ZBTB20: variants seen among roughly 807,000 people sequenced by gnomAD.
ZBTB20 encodes the protein zinc finger and BTB domain-containing protein 20.
ZBTB20 carries 9 observed loss-of-function variants against 56.9 expected under a neutral mutation model. The observed-to-expected ratio is 0.16, with a 90% CI of 0.10 to 0.28. The LOEUF is 0.28. Ranked by LOEUF, ZBTB20 falls within the 10% of genes least tolerant of loss-of-function variation. The probability of loss-of-function intolerance (pLI) is 1.00; values close to 1 mark genes in which losing one functional copy is unlikely to be tolerated. For missense variants in ZBTB20, 655 were observed against 1,003.0 expected, an observed-to-expected ratio of 0.65 and a Z score of 4.69; for synonymous variants, 417 against 420.7, an observed-to-expected ratio of 0.99 and a Z score of 0.11.
intron 6 of ZBTB20, among the ~76,000 whole-genome samples, chr3:114,636,856 A>G (rs1355124966): frequency 6.6e-6 from 1 of 152,036 alleles, no homozygotes; most frequent in Non-Finnish European, 1.5e-5. Context: ...CAATCAAAAG[A>G]TACAAACTGG....
intron 4 of ZBTB20, among the ~76,000 whole-genome samples, chr3:114,856,159 C>T (rs747784658): frequency 6.6e-6 from 1 of 151,960 alleles, no homozygotes; most frequent in African/African-American, 2.4e-5. Context: ...GTCTAAGAGC[C>T]CTTCTAGAGA....
At chr3:114,761,871 G>A (rs2068469940) in intron 5 of ZBTB20, among the ~76,000 whole-genome samples, 2 of 151,644 alleles carry the variant, frequency 1.3e-5, no homozygotes. Flanking sequence ...AAAATGATAT[G>A]CTTAATGTGC....
At chr3:114,412,801 A>G (rs894876765) in intron 7 of ZBTB20, among the ~76,000 whole-genome samples, 3 of 152,260 alleles carry the variant, frequency 2.0e-5, no homozygotes, top group Admixed American at 1.3e-4. Flanking sequence ...AGGATATCCA[A>G]AATGAGCAAA....
At chr3:115,074,399 A>G (rs1014780101) in intron 1 of ZBTB20, among the ~76,000 whole-genome samples, 1 of 152,172 alleles carries the variant, frequency 6.6e-6, no homozygotes, top group African/African-American at 2.4e-5. Context: ...CAAAGAAGCC[A>G]GTTTAGTAAG....
intron 3 of ZBTB20, among the ~76,000 whole-genome samples, chr3:114,926,976 C>T (rs956732172): frequency 3.9e-5 from 6 of 152,076 alleles, no homozygotes; most frequent in African/African-American, 1.4e-4. Context: ...CTTCTGGGGG[C>T]TCAATCAATC....
intron 10 of ZBTB20, among the ~76,000 whole-genome samples, chr3:114,355,379 C>A (rs903999655): frequency 6.6e-6 from 1 of 152,112 alleles, no homozygotes; most frequent in South Asian, 2.1e-4. Flanking sequence ...GAATTTTATA[C>A]ACACAATTCT....
chr3:114,857,849 A>G (rs985869620), intron 4 of ZBTB20, among the ~76,000 whole-genome samples: 2 of 152,224 alleles, frequency 1.3e-5, no homozygotes, highest in African/African-American at 4.8e-5. Flanking sequence ...AAAATTAACT[A>G]AAGATAACTT....
chr3:115,072,364 C>G (rs1272222300), intron 1 of ZBTB20, among the ~76,000 whole-genome samples: 1 of 152,138 alleles, frequency 6.6e-6, no homozygotes, highest in African/African-American at 2.4e-5. Flanking sequence ...GTTAAGATCA[C>G]AGACTTTGAG....
intron 2 of ZBTB20, among the ~76,000 whole-genome samples, chr3:114,982,520 T>A: frequency 6.6e-6 from 1 of 152,032 alleles, no homozygotes; most frequent in East Asian, 1.9e-4. Flanking sequence ...ACTTAAAAAA[T>A]AAATAAAATA....
intron 3 of ZBTB20, among the ~76,000 whole-genome samples, chr3:114,956,720 C>T (rs746036005): frequency 3.3e-5 from 5 of 152,182 alleles, no homozygotes; most frequent in Admixed American, 2.0e-4. Context: ...TTGGGCACTA[C>T]ACCAAAACAT....
chr3:115,039,390 C>G (rs572472420), intron 2 of ZBTB20, among the ~76,000 whole-genome samples: 1 of 151,946 alleles, frequency 6.6e-6, no homozygotes, highest in African/African-American at 2.4e-5. Flanking sequence ...TGTATGTTCC[C>G]AAGGCATATA....
chr3:114,424,020 A>C (rs1476475174), intron 7 of ZBTB20, among the ~76,000 whole-genome samples: 1 of 152,228 alleles, frequency 6.6e-6, no homozygotes, highest in Non-Finnish European at 1.5e-5. Flanking sequence ...TCAAGGAAGT[A>C]AATCTAACAC....
intron 7 of ZBTB20, among the ~76,000 whole-genome samples, chr3:114,462,791 A>G (rs1447935191): frequency 1.3e-5 from 2 of 152,324 alleles, no homozygotes; most frequent in African/African-American, 4.8e-5. Flanking sequence ...ATCTCTGAGT[A>G]ATGAAAATTT....
intron 5 of ZBTB20, among the ~76,000 whole-genome samples, chr3:114,709,093 A>C (rs1351555335): frequency 6.6e-6 from 1 of 152,150 alleles, no homozygotes; most frequent in Non-Finnish European, 1.5e-5. Context: ...CCTACCAATT[A>C]AACAAATAAA....
chr3:114,780,590 C>T (rs1208378870), intron 5 of ZBTB20, among the ~76,000 whole-genome samples: 7 of 152,258 alleles, frequency 4.6e-5, no homozygotes, highest in Middle Eastern at 3.4e-3. Context: ...CGGGTTCAAG[C>T]GATTCTCCTG....
At position 114,327,646 on chromosome 3, in the gene ZBTB20, T is replaced by C. The variant is rs947186608; in HGVS notation, c.*11359A>G. 6.6e-6 allele frequency: 1 copy of C among 152,186 alleles called. No homozygotes were observed. The highest frequency in any genetic ancestry group is 1.5e-5 in the Non-Finnish European group (1 of 68,028). The allele number at this position is 152,186 out of a possible 1,614,324, so 9.4% of individuals were successfully genotyped here. A position where few individuals can be genotyped will look rare whatever the true frequency, so the allele number is the denominator to read the frequency against. On this transcript the variant is annotated 3_prime_UTR_variant, in exon 12 of 12. Coordinates refer to ENST00000675478, the MANE Select transcript of ZBTB20 (RefSeq NM_001348800.3). ...CATTGTTCTCTATGGTGTGAGTTGA[T>C]GTTATAAACTGGTTTGATTAAGATA...
intron 5 of ZBTB20, among the ~76,000 whole-genome samples, chr3:114,699,502 T>C (rs1332732782): frequency 1.3e-5 from 2 of 152,044 alleles, no homozygotes; most frequent in African/African-American, 2.4e-5. Context: ...TTTCAGTTAA[T>C]TGGAGAATAA....
chr3:115,019,630 A>T lies in ZBTB20; in HGVS notation c.-506-45214T>A, dbSNP rs189621193. 2.0e-5 allele frequency among the ~76,000 whole-genome samples: 3 copies of T among 151,398 alleles called. No individual in the cohort carries two copies. The Admixed American group carries it at 2.0e-4, about 10-fold the overall frequency. ...GGAACATTTGTTTCATATAAAAGTT[A>T]TATTACAAAATTAATGGACTGAGGG... On this transcript the variant is annotated intron_variant, in intron 2 of 11. Coordinates refer to ENST00000675478, the MANE Select transcript of ZBTB20 (RefSeq NM_001348800.3).
chr3:114,806,401 G>A (rs567050417), intron 4 of ZBTB20, among the ~76,000 whole-genome samples: 36 of 151,870 alleles, frequency 2.4e-4, no homozygotes, highest in Admixed American at 3.3e-4. Context: ...GAATAACTTC[G>A]GTGAATTGTC....
Sources: allele counts gnomAD v4.1 joint callset (sites outside exome capture counted in the v4.1 genomes callset), GRCh38; gene constraint gnomAD v4.1.1; transcripts MANE v1.5; gene names NCBI Gene and HGNC (gene_info 2026-07-23, HGNC 2026-07-21).